Variants in RNF167 observed in about 807,000 individuals in gnomAD.
The protein encoded by RNF167 is ring finger protein 167.
RNF167 carries 19 observed loss-of-function variants against 34.8 expected under a neutral mutation model. The ratio of observed to expected loss-of-function variants is 0.55; its 90% confidence interval spans 0.38 to 0.80. The LOEUF (loss-of-function observed/expected upper bound fraction) is 0.80. Ranked by LOEUF, RNF167 falls within the 30% of genes least tolerant of loss-of-function variation. RNF167 has a pLI of 0.00. For synonymous variants in RNF167, 200 were observed against 170.4 expected (o/e 1.17, Z -1.35); for missense variants, 464 against 447.0 (o/e 1.04, Z -0.34).
rs535813495 is a variant in RNF167, at chr17:4,942,744, A to C, written c.379+80A>C. On this transcript the variant is annotated intron_variant, in intron 5 of 9. Coordinates refer to ENST00000262482, the MANE Select transcript of RNF167 (RefSeq NM_015528.3). ...GGAAGGCTGAAGGCCTCAGGAAAAG[A>C]AGCCAATCCTTTAGGTGGGGTGGGG... The C allele has an allele frequency of 2.0e-5, 32 of 1,587,510 alleles. No individual in the cohort carries two copies. The East Asian group carries it at 5.1e-4, about 26-fold the overall frequency.
intron 8 of RNF167, 42 bp downstream of exon 8, chr17:4,943,561 C>G: frequency 6.6e-7 from 1 of 1,510,830 alleles, no homozygotes; most frequent in Non-Finnish European, 9.2e-7. Context: ...CCACAGTTTA[C>G]CTGGTTCTGA....
Position 4,944,782 on chromosome 17 carries a change from G to A in RNF167, c.819G>A (p.Gln273=). ...GGAAGACCTGCCCCATTTGCAAGCA[G>A]CCTGTTCATCGGGGTCCTGGGGACG... ...QTRKTCPICK[Q]PVHRGPGDED... is the part of the protein sequence containing the mutation. The change falls in exon 10 of 10, where the codon CAG becomes CAA. Residue 273 remains glutamine, a synonymous_variant. Transcript: ENST00000262482. 1.9e-6 allele frequency: 3 copies of A among 1,612,736 alleles called. No individual in the cohort carries two copies. The highest frequency in any genetic ancestry group is 2.5e-6 in the Non-Finnish European group (3 of 1,179,214).
At chr17:4,943,135 C>T (rs1244215175) in intron 6 of RNF167, 44 bp from the exon 7 acceptor site, 46 of 1,557,390 alleles carry the variant, frequency 3.0e-5, no homozygotes, top group Non-Finnish European at 3.4e-5. Flanking sequence ...TTTTTTCTCC[C>T]TTTGCCTTTC....
chr17:4,941,497 G>A (rs1970802026), intron 3 of RNF167, among the ~76,000 whole-genome samples: 1 of 152,176 alleles, frequency 6.6e-6, no homozygotes, highest in Admixed American at 6.5e-5. Flanking sequence ...ATCTCTCTGA[G>A]CCTTAGTTTG....
At position 4,940,735 on chromosome 17, in the gene RNF167, T is replaced by A; in HGVS notation, c.-175T>A. ...CCAGCTCCACTAAACGGGTTGGATA[T>A]CTCATTCTTTGAGTTGGTGTTCCTT... On this transcript the variant is annotated 5_prime_UTR_variant, in exon 2 of 10. Coordinates refer to ENST00000262482, the MANE Select transcript of RNF167 (RefSeq NM_015528.3). 1 of 558,220 alleles carries A rather than the reference T, an allele frequency of 1.8e-6. No homozygotes were observed. The allele number at this position is 558,220 out of a possible 1,614,324, so 34.6% of individuals were successfully genotyped here.
chr17:4,942,116 G>A (rs1597663123), intron 3 of RNF167, among the ~76,000 whole-genome samples: 1 of 152,316 alleles, frequency 6.6e-6, no homozygotes. Context: ...ATCTGGGACA[G>A]CGAGAGGGAT....
In RNF167 at chr17:4,940,985, A is replaced by C; in HGVS notation, c.76A>C (p.Ile26Leu). 1 of 1,612,564 alleles carries C rather than the reference A, an allele frequency of 6.2e-7. No homozygotes were observed. Among genetic ancestry groups the C allele is most frequent in the Non-Finnish European group, 8.5e-7 (1 of 1,178,792 alleles). ...LWGAAPTRGL[I>L]RATSDHNASM... Reference sequence around the variant, plus strand: ...GGGAGCGGCCCCGACCCGGGGGCTCATTCGAGCGGTGAGTCTGAGGGACGG... The same window carrying C: ...GGGAGCGGCCCCGACCCGGGGGCTCCTTCGAGCGGTGAGTCTGAGGGACGG... Residue 26 changes from isoleucine (I) to leucine (L), a missense_variant, in exon 2 of 10, where the codon ATT becomes CTT. Ile to Leu is a conservative substitution (Grantham distance 5). Transcript: ENST00000262482.
chr17:4,942,954 C>A lies in RNF167; in HGVS notation c.470+13C>A, dbSNP rs754695254. The A allele has an allele frequency of 6.2e-7, 1 of 1,608,916 alleles. No homozygotes were observed. The highest frequency in any genetic ancestry group is 1.1e-5 in the South Asian group (1 of 90,972). On this transcript the variant is annotated intron_variant, in intron 6 of 9. Coordinates refer to ENST00000262482, the MANE Select transcript of RNF167 (RefSeq NM_015528.3). ...TCTACGAGAAGGGGTAGGACATGTG[C>A]CTCCTTCCCATTCTTCCTTCAGCAA... is the stretch of plus-strand genomic sequence containing the variant.
At chr17:4,941,285 T>C in intron 3 of RNF167, 128 bp downstream of exon 3, 1 of 790,186 alleles carries the variant, frequency 1.3e-6, no homozygotes, top group African/African-American at 1.7e-5. Flanking sequence ...TGGGTGAAAC[T>C]GGAGGTAGGA....
In RNF167 at chr17:4,945,130, A is replaced by C. The variant is rs1971290051; in HGVS notation, c.*114A>C. On this transcript the variant is annotated 3_prime_UTR_variant, in exon 10 of 10. Transcript: ENST00000262482. The stretch of plus-strand genomic sequence containing the variant: ...CCAAGCTTCTCCCTTACCCACACCT[A>C]TCCTTTTGAGGGGCTTTGGGGTGGA... 19 of 974,380 alleles carry C rather than the reference A, an allele frequency of 1.9e-5. No homozygotes were observed. The highest frequency in any genetic ancestry group is 2.8e-5 in the Admixed American group (1 of 36,186). 60.4% of individuals were successfully genotyped at this position (974,380 alleles called of 1,614,324 possible).
At position 4,944,554 on chromosome 17, in the gene RNF167, C is replaced by T. The variant is rs7223795; in HGVS notation, c.671-4C>T. ...AGGACTAGATTATTTTCTTTCTGTC[C>T]CAGGAGACCAGTATGATGTCTGTGC... On this transcript the variant is annotated splice_polypyrimidine_tract_variant and splice_region_variant and intron_variant, in intron 8 of 9. Coordinates refer to ENST00000262482, the MANE Select transcript of RNF167 (RefSeq NM_015528.3). The T allele has an allele frequency of 1.4e-3, 2,250 of 1,578,104 alleles. 30 individuals carry two copies. The African/African-American group carries it at 0.026, about 18-fold the overall frequency.
intron 3 of RNF167, 139 bp downstream of exon 3, chr17:4,941,296 A>G: frequency 1.4e-6 from 1 of 738,572 alleles, no homozygotes; most frequent in Non-Finnish European, 2.2e-6. Flanking sequence ...GGAGGTAGGA[A>G]AATGAAGTTA....
At position 4,944,806 on chromosome 17, in the gene RNF167, C is replaced by T. The variant is rs549760384; in HGVS notation, c.843C>T (p.Asp281=). The change falls in exon 10 of 10, where the codon GAC becomes GAT. Residue 281 remains aspartate (D), a synonymous_variant. Transcript: ENST00000262482. The part of the protein sequence containing the change: ...CKQPVHRGPG[D]EDQEEETQGQ... ...AGCCTGTTCATCGGGGTCCTGGGGA[C>T]GAAGACCAAGAGGAAGAAACTCAAG... is the stretch of plus-strand genomic sequence containing the variant. The T allele has an allele frequency of 5.5e-5, 88 of 1,611,804 alleles. No homozygotes were observed. Among genetic ancestry groups the T allele is most frequent in the African/African-American group, 3.7e-4 (28 of 74,882 alleles).
Position 4,942,283 on chromosome 17 carries a change from T to C in RNF167, c.166-58T>C, listed in dbSNP as rs991636078. Reference sequence around the variant, plus strand: ...GTGGGCTGGTGTGTTTGGTGGCCCCTGTAGAGAGCAGAATCTAGAAAGGAG... The same window carrying C: ...GTGGGCTGGTGTGTTTGGTGGCCCCCGTAGAGAGCAGAATCTAGAAAGGAG... On this transcript the variant is annotated intron_variant, in intron 3 of 9. Transcript: ENST00000262482. 6.0e-5 allele frequency: 96 copies of C among 1,594,918 alleles called. No individual in the cohort carries two copies. The Admixed American group carries it at 1.5e-3, about 26-fold the overall frequency.
At chr17:4,942,741 A>T in intron 5 of RNF167, 77 bp downstream of exon 5, 1 of 1,587,990 alleles carries the variant, frequency 6.3e-7, no homozygotes, top group Non-Finnish European at 8.6e-7. Flanking sequence ...GCCTCAGGAA[A>T]AGAAGCCAAT....
At position 4,943,435 on chromosome 17, in the gene RNF167, T is replaced by G; in HGVS notation, c.586T>G (p.Cys196Gly). The G allele has an allele frequency of 2.5e-6, 4 of 1,613,886 alleles. No homozygotes were observed. Among genetic ancestry groups the G allele is most frequent in the Non-Finnish European group, 2.5e-6 (3 of 1,179,910 alleles). ...CCCCCGCTTCCCCCAGATAGCTCGT[T>G]GTATCCAGCACCGGAAACGGCTCCA... ...LAMGAVMIAR[C>G]IQHRKRLQRN... Residue 196 changes from cysteine (C) to glycine (G), a missense_variant, in exon 8 of 10, where the codon TGT becomes GGT. Cys to Gly is a radical substitution (Grantham distance 159). Transcript: ENST00000262482.
Position 4,945,166 on chromosome 17 carries a change from GC to G in RNF167, c.*151del. On this transcript the variant is annotated 3_prime_UTR_variant, in exon 10 of 10. Transcript: ENST00000262482. ...GGGCTTTGGGGTGGAGCTGGGGCAA[GC>G]AGAGGGACTGGGTCTTCACTTCTTG... 1 of 636,260 alleles carries G rather than the reference GC, an allele frequency of 1.6e-6. No individual in the cohort carries two copies. The highest frequency in any genetic ancestry group is 1.9e-5 in the African/African-American group (1 of 53,124). The allele number at this position is 636,260 out of a possible 1,614,324, so 39.4% of individuals were successfully genotyped here. A position where few individuals can be genotyped will look rare whatever the true frequency, so the allele number is the denominator to read the frequency against.
Position 4,942,417 on chromosome 17 carries a change from C to T in RNF167, c.242C>T (p.Ser81Leu). 1 of 1,614,108 alleles carries T rather than the reference C, an allele frequency of 6.2e-7. No homozygotes were observed. The highest frequency in any genetic ancestry group is 2.2e-5 in the East Asian group (1 of 44,870). ...CCACCCCCAGCCCCGGTCAATGGGT[C>T]AGTCTTTATTGCGCTGCTTCGAAGA... is the stretch of plus-strand genomic sequence containing the variant. ...APPPPAPVNGSVFIALLRRFD... is the reference protein window; with the variant it reads ...APPPPAPVNGLVFIALLRRFD... The change falls in exon 4 of 10, where the codon TCA becomes TTA. Residue 81 changes from serine to leucine, a missense_variant. Transcript: ENST00000262482.
At position 4,945,022 on chromosome 17, in the gene RNF167, C is replaced by T. The variant is rs752166313; in HGVS notation, c.*6C>T. The T allele has an allele frequency of 1.2e-5, 19 of 1,527,972 alleles. No individual in the cohort carries two copies. Among genetic ancestry groups the T allele is most frequent in the Non-Finnish European group, 1.5e-5 (17 of 1,137,580 alleles). The allele number at this position is 1,527,972 out of a possible 1,614,324, so 94.7% of individuals were successfully genotyped here. A position where few individuals can be genotyped will look rare whatever the true frequency, so the allele number is the denominator to read the frequency against. On this transcript the variant is annotated 3_prime_UTR_variant, in exon 10 of 10. Transcript: ENST00000262482. ...CCCCTGTTATCCTGGTCTAATAACCCCCCACACATACACCTCTGGTGACCT... is the reference window on the plus strand; with the variant it reads ...CCCCTGTTATCCTGGTCTAATAACCTCCCACACATACACCTCTGGTGACCT...
Sources: allele counts gnomAD v4.1 joint callset (sites outside exome capture counted in the v4.1 genomes callset), GRCh38; gene constraint gnomAD v4.1.1; transcripts MANE v1.5; gene names NCBI Gene and HGNC (gene_info 2026-07-23, HGNC 2026-07-21).